CSMD2: variants seen among roughly 807,000 people sequenced by gnomAD.
The protein encoded by CSMD2 is CUB and Sushi multiple domains 2.
Under a neutral mutation model 398.5 loss-of-function variants are expected in CSMD2, and 130 were observed. That is an observed-to-expected ratio of 0.33 (90% CI 0.28 to 0.38). The LOEUF (loss-of-function observed/expected upper bound fraction) is 0.38. Ranked by LOEUF, CSMD2 falls within the 10% of genes least tolerant of loss-of-function variation. The pLI is 1.00. For synonymous variants in CSMD2, 1,828 were observed against 1,908.5 expected (o/e 0.96, Z 1.10); for missense variants, 3,829 against 4,764.9 (o/e 0.80, Z 5.78).
intron 3 of CSMD2, among the ~76,000 whole-genome samples, chr1:33,958,414 G>T (rs1645240136): frequency 6.6e-6 from 1 of 152,176 alleles, no homozygotes; most frequent in Non-Finnish European, 1.5e-5. Context: ...CCCTTTGGGT[G>T]TGAATAGGAC....
intron 10 of CSMD2, among the ~76,000 whole-genome samples, chr1:33,808,061 C>A (rs1020178132): frequency 6.6e-5 from 10 of 151,978 alleles, no homozygotes; most frequent in African/African-American, 2.2e-4. Context: ...GTTCAATTTA[C>A]CAGGAAGATA....
intron 3 of CSMD2, among the ~76,000 whole-genome samples, chr1:34,013,427 G>A (rs4653368): frequency 0.21 from 32,063 of 152,038 alleles, 4,048 homozygotes; most frequent in East Asian, 0.57. Context: ...GAACCCACCA[G>A]CTCTCCTGAG....
Position 34,165,216 on chromosome 1 carries a change from T to G in CSMD2, c.-119A>C, listed in dbSNP as rs996709991. On this transcript the variant is annotated 5_prime_UTR_variant, in exon 1 of 71. Coordinates refer to ENST00000373381, the MANE Select transcript of CSMD2 (RefSeq NM_001281956.2). ...ATCCCGGTACGCGGGAGCCCTGAGC[T>G]TCTGCGGCTGGAATGAACCAAGTGT... is the stretch of plus-strand genomic sequence containing the variant. 8 of 1,167,560 alleles carry G rather than the reference T, an allele frequency of 6.9e-6. No individual in the cohort carries two copies. The highest frequency in any genetic ancestry group is 3.2e-5 in the African/African-American group (2 of 61,942). 72.3% of individuals were successfully genotyped at this position (1,167,560 alleles called of 1,614,324 possible).
At chr1:33,995,218 G>T (rs1646688671) in intron 3 of CSMD2, among the ~76,000 whole-genome samples, 2 of 152,162 alleles carry the variant, frequency 1.3e-5, no homozygotes, top group Admixed American at 6.5e-5. Context: ...GATCCAGCAA[G>T]ACTCCAACGA....
chr1:33,908,102 A>G (rs2125254755), intron 5 of CSMD2, among the ~76,000 whole-genome samples: 1 of 151,102 alleles, frequency 6.6e-6, no homozygotes, highest in Non-Finnish European at 1.5e-5. Context: ...AAAAAAAAAA[A>G]AAAAAGAAAA....
chr1:34,164,079 T>A lies in CSMD2; in HGVS notation c.187+832A>T, dbSNP rs1403542445. On this transcript the variant is annotated intron_variant, in intron 1 of 70. Coordinates refer to ENST00000373381, the MANE Select transcript of CSMD2 (RefSeq NM_001281956.2). This position sits in a 1 kb window ranked among gnomAD's most constrained non-coding sequence, Gnocchi z 6.2. Reference sequence around the variant, plus strand: ...CCGCCGCCCGCGCCGCCGCTGCCGCTGCCGCAGCCGAGGCGCTCGGCTGCA... The same window carrying A: ...CCGCCGCCCGCGCCGCCGCTGCCGCAGCCGCAGCCGAGGCGCTCGGCTGCA... Among the ~76,000 whole-genome samples, 1 of 152,066 alleles carries A rather than the reference T, an allele frequency of 6.6e-6. No individual in the cohort carries two copies. The highest frequency in any genetic ancestry group is 1.5e-5 in the Non-Finnish European group (1 of 67,984).
intron 32 of CSMD2, among the ~76,000 whole-genome samples, chr1:33,627,350 G>C (rs977739478): frequency 6.6e-6 from 1 of 152,138 alleles, no homozygotes; most frequent in African/African-American, 2.4e-5. Flanking sequence ...GCACCAACTG[G>C]ACCTGCAGCC....
At chr1:33,776,976 A>C (rs979100022) in intron 12 of CSMD2, among the ~76,000 whole-genome samples, 1 of 152,146 alleles carries the variant, frequency 6.6e-6, no homozygotes, top group Admixed American at 6.5e-5. Context: ...GAGAAGGTCA[A>C]GGCCTGAGAG....
intron 3 of CSMD2, among the ~76,000 whole-genome samples, chr1:34,023,871 C>T (rs756459300): frequency 2.6e-5 from 4 of 152,298 alleles, no homozygotes; most frequent in South Asian, 2.1e-4. Flanking sequence ...TCTCCAGAAA[C>T]CTAACCGGGC....
intron 60 of CSMD2, among the ~76,000 whole-genome samples, chr1:33,539,290 A>G (rs1284393537): frequency 1.3e-5 from 2 of 152,204 alleles, no homozygotes; most frequent in African/African-American, 2.4e-5. Context: ...TCAGGAATAC[A>G]TATTGCAGAA....
chr1:33,932,857 G>A (rs1045698939), intron 4 of CSMD2, among the ~76,000 whole-genome samples: 4 of 152,202 alleles, frequency 2.6e-5, no homozygotes, highest in African/African-American at 9.6e-5. Flanking sequence ...AAAACCAAGA[G>A]GAAACCAGGC....
intron 15 of CSMD2, among the ~76,000 whole-genome samples, chr1:33,727,419 CACT>C (rs1646572307): frequency 6.6e-6 from 1 of 152,194 alleles, no homozygotes; most frequent in African/African-American, 2.4e-5. Context: ...TTCCCACCAC[CACT>C]GTCTCTTCCT....
At chr1:33,727,619 C>G (rs528342682) in intron 15 of CSMD2, among the ~76,000 whole-genome samples, 18 of 152,264 alleles carry the variant, frequency 1.2e-4, no homozygotes, top group Admixed American at 1.0e-3. Context: ...TGTGTGTGAT[C>G]TGCACACAGT....
chr1:33,787,835 C>T (rs934539914), intron 12 of CSMD2, among the ~76,000 whole-genome samples: 1 of 152,080 alleles, frequency 6.6e-6, no homozygotes, highest in East Asian at 1.9e-4. Flanking sequence ...TTGCAGTTCC[C>T]TTAATGCCTA....
intron 10 of CSMD2, among the ~76,000 whole-genome samples, chr1:33,800,259 C>A (rs1655435481): frequency 6.6e-6 from 1 of 152,088 alleles, no homozygotes; most frequent in African/African-American, 2.4e-5. Context: ...TTGCTGAGGC[C>A]CTAGGGAAGA....
intron 3 of CSMD2, among the ~76,000 whole-genome samples, chr1:33,973,888 G>C (rs1645862990): frequency 6.6e-6 from 1 of 152,138 alleles, no homozygotes; most frequent in South Asian, 2.1e-4. Flanking sequence ...ACACTGAGAG[G>C]GGTAGGAAGA....
chr1:33,607,524 CAG>C (rs1341403603), intron 41 of CSMD2, among the ~76,000 whole-genome samples: 2 of 152,126 alleles, frequency 1.3e-5, no homozygotes, highest in South Asian at 2.1e-4. Flanking sequence ...AAGGTGTAAA[CAG>C]AGAGTGTGGG....
At chr1:33,851,624 G>A (rs374059895) in intron 5 of CSMD2, among the ~76,000 whole-genome samples, 1 of 152,138 alleles carries the variant, frequency 6.6e-6, no homozygotes, top group Admixed American at 6.5e-5. Context: ...ATAGTCCCAA[G>A]GCCCTTGTTT....
At chr1:34,002,395 C>T (rs956906760) in intron 3 of CSMD2, among the ~76,000 whole-genome samples, 2 of 152,148 alleles carry the variant, frequency 1.3e-5, no homozygotes, top group African/African-American at 4.8e-5. Flanking sequence ...AATGGCAGGG[C>T]CTAGTTCTGA....
Sources: allele counts gnomAD v4.1 joint callset (sites outside exome capture counted in the v4.1 genomes callset), GRCh38; gene constraint gnomAD v4.1.1; non-coding constraint Gnocchi (gnomAD v3.1); transcripts MANE v1.5; gene names NCBI Gene and HGNC (gene_info 2026-07-23, HGNC 2026-07-21).